Variants in SLIT3 observed in about 807,000 individuals in gnomAD.
SLIT3 encodes the protein slit guidance ligand 3.
In SLIT3, 68 loss-of-function variants were observed where a neutral mutation model predicts 184.0. The ratio of observed to expected loss-of-function variants is 0.37; its 90% CI spans 0.30 to 0.45. SLIT3 has a LOEUF of 0.45. SLIT3 is among the 20% of genes least tolerant of loss of function. SLIT3 has a pLI of 1.00. For missense variants in SLIT3, 1,707 were observed against 2,026.0 expected, an observed-to-expected ratio of 0.84 and a Z score of 3.02; for synonymous variants, 831 against 828.6, an observed-to-expected ratio of 1.00 and a Z score of -0.05.
intron 4 of SLIT3, among the ~76,000 whole-genome samples, chr5:169,137,327 C>CAGAGAGAGAGAG (rs761731942): frequency 1.3e-3 from 111 of 87,268 alleles, no homozygotes; most frequent in Non-Finnish European, 2.2e-3. Context: ...CACACACACA[C>CAGAGAGAGAGAG]ACACACACAG....
intron 5 of SLIT3, among the ~76,000 whole-genome samples, chr5:168,866,102 G>C (rs1205410244): frequency 6.6e-6 from 1 of 152,106 alleles, no homozygotes; most frequent in Non-Finnish European, 1.5e-5. Context: ...TACAAGATGT[G>C]TGGATTAAAC....
intron 5 of SLIT3, among the ~76,000 whole-genome samples, chr5:168,872,256 T>A (rs1759549436): frequency 1.3e-5 from 2 of 152,222 alleles, no homozygotes; most frequent in East Asian, 1.9e-4. Context: ...GAAGGAAGGA[T>A]GAATAGGTGG....
At chr5:169,124,349 C>A (rs1333001866) in intron 4 of SLIT3, among the ~76,000 whole-genome samples, 1 of 152,176 alleles carries the variant, frequency 6.6e-6, no homozygotes. Flanking sequence ...CACACATAGA[C>A]AAGCAGGGTT....
At chr5:168,878,716 C>CTTT in intron 5 of SLIT3, among the ~76,000 whole-genome samples, 1 of 100,712 alleles carries the variant, frequency 9.9e-6, no homozygotes, top group Non-Finnish European at 2.2e-5. Context: ...ACAGTTTCTT[C>CTTT]CTTTTTTTTT....
At chr5:168,957,895 G>A (rs1357106944) in intron 4 of SLIT3, among the ~76,000 whole-genome samples, 1 of 152,098 alleles carries the variant, frequency 6.6e-6, no homozygotes, top group African/African-American at 2.4e-5. Context: ...CATGCATTGG[G>A]GTGGGGGTTC....
At chr5:168,950,193 G>A (rs1289318727) in intron 4 of SLIT3, among the ~76,000 whole-genome samples, 2 of 152,102 alleles carry the variant, frequency 1.3e-5, no homozygotes, top group Non-Finnish European at 2.9e-5. Context: ...AGGGACCCCA[G>A]AGAGCTGCCT....
intron 4 of SLIT3, among the ~76,000 whole-genome samples, chr5:169,014,616 A>C (rs1756292845): frequency 6.6e-6 from 1 of 152,236 alleles, no homozygotes; most frequent in African/African-American, 2.4e-5. Context: ...GAAGGAAAAT[A>C]GGGCAGAGAA....
In SLIT3 at chr5:169,300,224, C is replaced by A. The variant is rs1394692092; in HGVS notation, c.197+289G>T. Among the ~76,000 whole-genome samples, 1 of 152,216 alleles carries A rather than the reference C, an allele frequency of 6.6e-6. No individual in the cohort carries two copies. Among genetic ancestry groups the A allele is most frequent in the Non-Finnish European group, 1.5e-5 (1 of 68,028 alleles). On this transcript the variant is annotated intron_variant, in intron 1 of 35. Transcript: ENST00000519560. This position sits in a 1 kb window ranked among gnomAD's most constrained non-coding sequence, Gnocchi z 4.1. ...GCTGCAGTGCTCTTGCCTCCCCTCG[C>A]CTCTCCTCAGCTACTCCTTGGAAGC...
At chr5:169,185,372 C>T (rs1763297977) in intron 4 of SLIT3, among the ~76,000 whole-genome samples, 1 of 152,142 alleles carries the variant, frequency 6.6e-6, no homozygotes, top group African/African-American at 2.4e-5. Context: ...TCTTGCCGTC[C>T]CCCGGCCTCT....
Position 168,722,288 on chromosome 5 carries a change from G to C in SLIT3, c.2451C>G (p.His817Gln), listed in dbSNP as rs370651840. The change falls in exon 23 of 36, where the codon CAC (histidine) becomes CAG (glutamine). Residue 817 changes from histidine (H) to glutamine (Q), a missense_variant. His to Gln is a conservative substitution (Grantham distance 24). Coordinates refer to ENST00000519560, the MANE Select transcript of SLIT3 (RefSeq NM_003062.4). ...GCAGGGACCGCAGCCCGTTGAAGGC[G>C]TGGACGGGGATGCACCTCAGCCGGT... The part of the protein sequence containing the change: ...SYNRLRCIPV[H>Q]AFNGLRSLRV... 1.2e-6 allele frequency: 2 copies of C among 1,614,020 alleles called. No individual in the cohort carries two copies. The highest frequency in any genetic ancestry group is 2.7e-5 in the African/African-American group (2 of 74,906).
intron 26 of SLIT3, among the ~76,000 whole-genome samples, chr5:168,706,322 G>A (rs1229233148): frequency 6.6e-6 from 1 of 152,208 alleles, no homozygotes; most frequent in Non-Finnish European, 1.5e-5. Context: ...GAAGACAGAT[G>A]AAATTACTAG....
intron 4 of SLIT3, among the ~76,000 whole-genome samples, chr5:169,115,786 A>G (rs557424115): frequency 7.9e-5 from 12 of 152,334 alleles, no homozygotes; most frequent in African/African-American, 2.9e-4. Context: ...TCTGGACTAG[A>G]GAGATGAAGG....
chr5:168,932,389 CACT>C (rs1212153754), intron 4 of SLIT3, among the ~76,000 whole-genome samples: 7 of 144,622 alleles, frequency 4.8e-5, no homozygotes, highest in Non-Finnish European at 1.1e-4. Flanking sequence ...CACACACACA[CACT>C]ACACACACCC....
At chr5:169,216,594 T>C (rs1019150036) in intron 3 of SLIT3, among the ~76,000 whole-genome samples, 1 of 152,174 alleles carries the variant, frequency 6.6e-6, no homozygotes, top group African/African-American at 2.4e-5. Flanking sequence ...TGAATCAGAC[T>C]TGGGGAAGAA....
At chr5:169,105,713 TTTTCTGTTCCTGCATTA>T (rs993118818) in intron 4 of SLIT3, among the ~76,000 whole-genome samples, 1 of 152,196 alleles carries the variant, frequency 6.6e-6, no homozygotes, top group African/African-American at 2.4e-5. Context: ...CAGTGTTTGG[TTTTCTGTTCCTGCATTA>T]GTTTGCTGAG....
At position 169,099,662 on chromosome 5, in the gene SLIT3, C is replaced by T. The variant is rs188342511; in HGVS notation, c.413+93817G>A. ...TTGAAATCCAGGCAGTCTGCCTTCCCAGCTCATCTTAGTCCCAACCATGCC... is the reference window on the plus strand; with the variant it reads ...TTGAAATCCAGGCAGTCTGCCTTCCTAGCTCATCTTAGTCCCAACCATGCC... On this transcript the variant is annotated intron_variant, in intron 4 of 35. Transcript: ENST00000519560. Among the ~76,000 whole-genome samples the T allele has an allele frequency of 3.3e-4, 50 of 152,312 alleles. No individual in the cohort carries two copies. The East Asian group carries it at 8.3e-3, about 25-fold the overall frequency.
intron 5 of SLIT3, among the ~76,000 whole-genome samples, chr5:168,874,578 T>C (rs1158749881): frequency 6.6e-6 from 1 of 152,184 alleles, no homozygotes; most frequent in Non-Finnish European, 1.5e-5. Flanking sequence ...TTAGGAAATA[T>C]GCAAAGTCTG....
intron 3 of SLIT3, 107 bp from the exon 4 acceptor site, chr5:169,193,657 G>C: frequency 4.8e-6 from 4 of 837,164 alleles, no homozygotes; most frequent in Non-Finnish European, 6.3e-6. Flanking sequence ...GGCATTAAGA[G>C]ACTCTCTACG....
chr5:169,090,740 C>T (rs894671280), intron 4 of SLIT3, among the ~76,000 whole-genome samples: 4 of 152,122 alleles, frequency 2.6e-5, no homozygotes, highest in Non-Finnish European at 5.9e-5. Flanking sequence ...AGACAGAGGC[C>T]GGATGGAGGT....
Sources: gnomAD v4.1 joint callset for allele counts (sites outside exome capture counted in the v4.1 genomes callset) on GRCh38, gnomAD v4.1.1 for gene constraint, Gnocchi (gnomAD v3.1) non-coding constraint, MANE v1.5 for transcripts, NCBI Gene and HGNC (gene_info 2026-07-23, HGNC 2026-07-21) for gene names.